The following DNAJC3 variants were observed in gnomAD, a reference collection of about 807,000 sequenced individuals.
DNAJC3 encodes dnaJ homolog subfamily C member 3.
DNAJC3 carries 38 observed loss-of-function variants against 68.6 expected under a neutral mutation model. The ratio of observed to expected loss-of-function variants is 0.55; its 90% CI spans 0.43 to 0.73. The LOEUF (loss-of-function observed/expected upper bound fraction) is 0.73. Ranked by LOEUF, DNAJC3 falls within the 30% of genes least tolerant of loss-of-function variation. The probability of loss-of-function intolerance (pLI) is 0.00; values close to 1 mark genes in which losing one functional copy is unlikely to be tolerated. For synonymous variants in DNAJC3, 203 were observed against 204.0 expected, an observed-to-expected ratio of 1.00 and a Z score of 0.04; for missense variants, 526 against 591.9, an observed-to-expected ratio of 0.89 and a Z score of 1.16.
chr13:95,786,329 G>GC (rs143707192), intron 10 of DNAJC3, among the ~76,000 whole-genome samples: 2,277 of 152,268 alleles, frequency 0.015, 61 homozygotes, highest in African/African-American at 0.052. Flanking sequence ...TGGGTCCTAA[G>GC]CCTAGATTTT....
At chr13:95,761,061 T>G (rs537656001) in intron 7 of DNAJC3, among the ~76,000 whole-genome samples, 1 of 152,358 alleles carries the variant, frequency 6.6e-6, no homozygotes, top group South Asian at 2.1e-4. Context: ...GGCTGAGCTA[T>G]GTACTGAGGG....
At chr13:95,766,024 T>G (rs9590323) in intron 9 of DNAJC3, among the ~76,000 whole-genome samples, 10,381 of 152,172 alleles carry the variant, frequency 0.068, 417 homozygotes, top group East Asian at 0.14. Flanking sequence ...ACCTGACTTG[T>G]TTGGACTGGA....
At chr13:95,730,899 G>C (rs1881688138) in intron 4 of DNAJC3, among the ~76,000 whole-genome samples, 1 of 152,194 alleles carries the variant, frequency 6.6e-6, no homozygotes, top group African/African-American at 2.4e-5. Context: ...GCTTTGGGTA[G>C]TATGATCATT....
At chr13:95,750,260 C>T (rs1056663992) in intron 4 of DNAJC3, among the ~76,000 whole-genome samples, 17 of 116,466 alleles carry the variant, frequency 1.5e-4, no homozygotes, top group Admixed American at 6.7e-4. Flanking sequence ...AAGACCCTGT[C>T]TCAAAAAAAA....
At chr13:95,686,851 G>A (rs1472930647) in intron 1 of DNAJC3, among the ~76,000 whole-genome samples, 2 of 152,098 alleles carry the variant, frequency 1.3e-5, no homozygotes, top group Non-Finnish European at 2.9e-5. Flanking sequence ...GGATTACTTT[G>A]GCTATTCATG....
At chr13:95,742,740 C>T (rs752430130) in intron 4 of DNAJC3, 8 of 518,892 alleles carry the variant, frequency 1.5e-5, no homozygotes, top group South Asian at 4.2e-5. Flanking sequence ...AGATGCCTCT[C>T]GTCAGCCATC....
At chr13:95,751,446 G>A (rs773664969) in intron 4 of DNAJC3, among the ~76,000 whole-genome samples, 1 of 152,194 alleles carries the variant, frequency 6.6e-6, no homozygotes, top group African/African-American at 2.4e-5. Flanking sequence ...TGTTGGGCCA[G>A]TTGTTTACTG....
Position 95,725,260 on chromosome 13 carries a change from CA to C in DNAJC3, c.393+10del. The C allele has an allele frequency of 6.4e-7, 1 of 1,574,174 alleles. No individual in the cohort carries two copies. Reference sequence around the variant, plus strand: ...GATGATTTTAAAAAAGTGGTAAGTTCAATATGTATTTGACTCTAGGAAGATG... The same window carrying C: ...GATGATTTTAAAAAAGTGGTAAGTTCATATGTATTTGACTCTAGGAAGATG... On this transcript the variant is annotated intron_variant, in intron 4 of 11. Transcript: ENST00000602402.
chr13:95,729,616 A>T (rs754227457), intron 4 of DNAJC3, among the ~76,000 whole-genome samples: 1 of 152,070 alleles, frequency 6.6e-6, no homozygotes, highest in Non-Finnish European at 1.5e-5. Flanking sequence ...ACTAATTTAC[A>T]TTCCTGCCAA....
At chr13:95,723,779 G>A (rs1881421163) in intron 3 of DNAJC3, among the ~76,000 whole-genome samples, 1 of 152,206 alleles carries the variant, frequency 6.6e-6, no homozygotes. Flanking sequence ...GCTATGATTT[G>A]TGGTGACAAT....
chr13:95,773,109 A>AT (rs540121753), intron 9 of DNAJC3, among the ~76,000 whole-genome samples: 931 of 62,994 alleles, frequency 0.015, 11 homozygotes, highest in South Asian at 0.039. Flanking sequence ...TTGGTTTTTG[A>AT]TTTTTTTTTT....
At chr13:95,764,373 C>A (rs60679063) in intron 9 of DNAJC3, among the ~76,000 whole-genome samples, 21,109 of 127,756 alleles carry the variant, frequency 0.17, 1,736 homozygotes, top group African/African-American at 0.27. Flanking sequence ...CTCTCTCTCT[C>A]TCTATATATA....
intron 4 of DNAJC3, among the ~76,000 whole-genome samples, chr13:95,727,096 A>G (rs932837549): frequency 6.6e-6 from 1 of 152,142 alleles, no homozygotes; most frequent in Middle Eastern, 3.2e-3. Flanking sequence ...CCTTTGTTCA[A>G]AGAACGTGTT....
intron 4 of DNAJC3, among the ~76,000 whole-genome samples, chr13:95,755,798 A>C (rs1289352427): frequency 6.6e-6 from 1 of 150,780 alleles, no homozygotes; most frequent in Non-Finnish European, 1.5e-5. Flanking sequence ...ATAAAAAAAA[A>C]TCCCCCAAAA....
intron 4 of DNAJC3, among the ~76,000 whole-genome samples, chr13:95,746,953 A>T (rs1489100993): frequency 1.3e-5 from 2 of 152,152 alleles, no homozygotes; most frequent in Non-Finnish European, 2.9e-5. Flanking sequence ...GATTTGACTT[A>T]GTCTTAATCT....
At chr13:95,748,368 G>A (rs1373716163) in intron 4 of DNAJC3, among the ~76,000 whole-genome samples, 1 of 152,060 alleles carries the variant, frequency 6.6e-6, no homozygotes, top group African/African-American at 2.4e-5. Context: ...ACTCTCCTTT[G>A]GTAGTCTGTG....
In DNAJC3 at chr13:95,793,323, A is replaced by G. The variant is rs962027318; in HGVS notation, c.*2293A>G. The G allele has an allele frequency of 2.6e-5, 4 of 152,022 alleles. No individual in the cohort carries two copies. The highest frequency in any genetic ancestry group is 9.7e-5 in the African/African-American group (4 of 41,372). The allele number at this position is 152,022 out of a possible 1,614,324, so 9.4% of individuals were successfully genotyped here. ...TTTTCTGGTGTCCACCCAAACGGAG[A>G]GACAGTCACTCCTGCTTACCCTAAT... On this transcript the variant is annotated 3_prime_UTR_variant, in exon 12 of 12. Transcript: ENST00000602402.
chr13:95,704,853 T>TTTTTTTG (rs1880684842), intron 1 of DNAJC3, among the ~76,000 whole-genome samples: 1 of 133,396 alleles, frequency 7.5e-6, no homozygotes, highest in African/African-American at 3.3e-5. Flanking sequence ...GTGTGTGTGT[T>TTTTTTTG]TTTTTTTTTT....
At chr13:95,748,534 G>C (rs185614161) in intron 4 of DNAJC3, among the ~76,000 whole-genome samples, 2 of 151,876 alleles carry the variant, frequency 1.3e-5, no homozygotes, top group Non-Finnish European at 2.9e-5. Context: ...CCAAAGTTTC[G>C]GCTGGGTGAG....
Sources: allele counts gnomAD v4.1 joint callset (sites outside exome capture counted in the v4.1 genomes callset), GRCh38; gene constraint gnomAD v4.1.1; transcripts MANE v1.5; gene names NCBI Gene and HGNC (gene_info 2026-07-23, HGNC 2026-07-21).